The following ADARB1 variants were observed in gnomAD, a reference collection of about 807,000 sequenced individuals.
The protein encoded by ADARB1 is double-stranded RNA-specific editase 1.
Under a neutral mutation model 52.4 loss-of-function variants are expected in ADARB1, and 10 were observed. The observed-to-expected ratio is 0.19, with a 90% confidence interval of 0.12 to 0.32. The LOEUF (loss-of-function observed/expected upper bound fraction) is 0.32, where lower values mean the gene tolerates loss of function less well. ADARB1 is among the 10% of genes least tolerant of loss of function. ADARB1 has a pLI of 1.00. For synonymous variants in ADARB1, 349 were observed against 371.1 expected, an observed-to-expected ratio of 0.94 and a Z score of 0.68; for missense variants, 643 against 922.3, an observed-to-expected ratio of 0.70 and a Z score of 3.92.
rs752461733 is a variant in ADARB1, at chr21:45,221,703, G to T, written c.1927-315G>T. Among the ~76,000 whole-genome samples the T allele has an allele frequency of 6.6e-6, 1 of 152,168 alleles. No homozygotes were observed. The highest frequency in any genetic ancestry group is 1.5e-5 in the Non-Finnish European group (1 of 68,034). The stretch of plus-strand genomic sequence containing the variant: ...CAGGGTGATGACACACATAACATCC[G>T]TGGTGCTTCTTAGAGTTAAAAATGA... On this transcript the variant is annotated intron_variant, in intron 10 of 10. Transcript: ENST00000348831. This position sits in a 1 kb window ranked among gnomAD's most constrained non-coding sequence, Gnocchi z 4.9.
At chr21:45,084,706 T>A (rs2123648181) in intron 1 of ADARB1, among the ~76,000 whole-genome samples, 1 of 152,278 alleles carries the variant, frequency 6.6e-6, no homozygotes, top group East Asian at 1.9e-4. Context: ...GAAGTGGAGG[T>A]CTTTAACATA....
chr21:45,103,131 A>G (rs1407770577), intron 1 of ADARB1, among the ~76,000 whole-genome samples: 1 of 152,220 alleles, frequency 6.6e-6, no homozygotes, highest in Non-Finnish European at 1.5e-5. Flanking sequence ...CTCACAGCCA[A>G]GAGGGGCCTA....
At position 45,175,853 on chromosome 21, in the gene ADARB1, G is replaced by A; in HGVS notation, c.152G>A (p.Arg51Lys). ...AATGGGGGTGGTGGTGGCCCCGGCA[G>A]AAAGCGGCCCCTGGAGGAGGGCAGC... is the stretch of plus-strand genomic sequence containing the variant. ...LSNGGGGGPGRKRPLEEGSNG... is the reference protein window; with the variant it reads ...LSNGGGGGPGKKRPLEEGSNG... Residue 51 changes from arginine (R) to lysine (K), a missense_variant, in exon 4 of 11, where the codon AGA becomes AAA. By Grantham distance (26) the Arg-to-Lys change is conservative (BLOSUM62 2). Around this residue, in one of 2 missense-constraint regions of ADARB1, gnomAD observed 380 missense variants for 446.5 expected, o/e 0.85. Coordinates refer to ENST00000348831, the MANE Select transcript of ADARB1 (RefSeq NM_001112.4). The A allele has an allele frequency of 6.2e-7, 1 of 1,613,950 alleles. No individual in the cohort carries two copies. The highest frequency in any genetic ancestry group is 8.5e-7 in the Non-Finnish European group (1 of 1,179,950).
chr21:45,140,302 A>G (rs150738318), intron 2 of ADARB1, among the ~76,000 whole-genome samples: 5 of 152,256 alleles, frequency 3.3e-5, no homozygotes, highest in African/African-American at 1.2e-4. Context: ...TTCTTACCCC[A>G]AAAAGTTTCC....
rs894910628 is a variant in ADARB1, at chr21:45,092,865, A to T, written c.-220+18072A>T. Among the ~76,000 whole-genome samples, 9 of 151,752 alleles carry T rather than the reference A, an allele frequency of 5.9e-5. No individual in the cohort carries two copies. In the South Asian group the frequency reaches 1.9e-3, roughly 32 times the overall value. On this transcript the variant is annotated intron_variant, in intron 1 of 10. Transcript: ENST00000348831. ...AAGCCTCCCATTCCTGTAAAATAGG[A>T]GTAATTCATTATCACACATTTTTGT...
intron 2 of ADARB1, among the ~76,000 whole-genome samples, chr21:45,164,022 T>C (rs888992097): frequency 3.3e-5 from 5 of 152,222 alleles, no homozygotes; most frequent in Non-Finnish European, 7.3e-5. Context: ...TGCCATCCAG[T>C]TGACACCTTT....
At chr21:45,148,055 C>T (rs1431718731) in intron 2 of ADARB1, among the ~76,000 whole-genome samples, 2 of 152,196 alleles carry the variant, frequency 1.3e-5, no homozygotes, top group Non-Finnish European at 2.9e-5. Flanking sequence ...CAGAAACAGG[C>T]GTTCTCCCCT....
chr21:45,211,324 T>G, intron 9 of ADARB1, among the ~76,000 whole-genome samples: 1 of 152,234 alleles, frequency 6.6e-6, no homozygotes, highest in East Asian at 1.9e-4. Flanking sequence ...CCTCCTGTGT[T>G]GCATGGCCTG....
chr21:45,195,819 T>G (rs1260421717), intron 8 of ADARB1, among the ~76,000 whole-genome samples: 1 of 152,224 alleles, frequency 6.6e-6, no homozygotes, highest in Non-Finnish European at 1.5e-5. Flanking sequence ...TCTAGTATAG[T>G]AAGTCTTTAA....
intron 1 of ADARB1, among the ~76,000 whole-genome samples, chr21:45,094,889 C>T (rs554154659): frequency 2.6e-5 from 4 of 152,258 alleles, no homozygotes; most frequent in Admixed American, 6.5e-5. Flanking sequence ...GGGGCCTGGA[C>T]GCTCACTGAG....
intron 1 of ADARB1, among the ~76,000 whole-genome samples, chr21:45,081,599 C>T (rs568777097): frequency 5.9e-5 from 9 of 152,220 alleles, no homozygotes; most frequent in Non-Finnish European, 8.8e-5. Context: ...TTCATAGGAT[C>T]GGAACTCCAC....
chr21:45,107,300 T>C (rs2087301523), intron 1 of ADARB1, among the ~76,000 whole-genome samples: 1 of 152,210 alleles, frequency 6.6e-6, no homozygotes, highest in African/African-American at 2.4e-5. Context: ...CAGGTAATTT[T>C]CAAATTTAAT....
chr21:45,093,668 A>AG (rs1473925186), intron 1 of ADARB1, among the ~76,000 whole-genome samples: 1 of 152,134 alleles, frequency 6.6e-6, no homozygotes, highest in Non-Finnish European at 1.5e-5. Flanking sequence ...TCTTTTCTCC[A>AG]GGGGGCTCCT....
chr21:45,110,483 CTTTG>C (rs1183944946), intron 1 of ADARB1, among the ~76,000 whole-genome samples: 2 of 152,132 alleles, frequency 1.3e-5, no homozygotes, highest in Non-Finnish European at 2.9e-5. Context: ...TTTGTTTGCC[CTTTG>C]TTTTTCACTT....
At chr21:45,177,100 G>A (rs2091728524) in intron 4 of ADARB1, 3 of 158,968 alleles carry the variant, frequency 1.9e-5, no homozygotes, top group Admixed American at 1.8e-4. Context: ...CAAGATAAGT[G>A]ACACCAGCCC....
At chr21:45,139,275 G>A (rs2089573134) in intron 2 of ADARB1, among the ~76,000 whole-genome samples, 1 of 152,108 alleles carries the variant, frequency 6.6e-6, no homozygotes. Context: ...TGTAACCTTG[G>A]TTCAATCAAA....
At chr21:45,107,746 A>C (rs912913923) in intron 1 of ADARB1, among the ~76,000 whole-genome samples, 1 of 152,248 alleles carries the variant, frequency 6.6e-6, no homozygotes, top group Non-Finnish European at 1.5e-5. Context: ...AATGTTAGAC[A>C]CAAACATGGT....
intron 1 of ADARB1, among the ~76,000 whole-genome samples, chr21:45,124,192 C>T (rs2088406832): frequency 6.6e-6 from 1 of 152,174 alleles, no homozygotes; most frequent in African/African-American, 2.4e-5. Context: ...ACGATGTTTA[C>T]ACTGTATTTG....
intron 8 of ADARB1, among the ~76,000 whole-genome samples, chr21:45,190,598 C>T (rs949116545): frequency 4.6e-5 from 7 of 151,540 alleles, no homozygotes; most frequent in Non-Finnish European, 8.8e-5. Flanking sequence ...TGGCTGTGTA[C>T]AGAGAAAGTT....
Sources: gnomAD v4.1 joint callset for allele counts (sites outside exome capture counted in the v4.1 genomes callset) on GRCh38, gnomAD v4.1.1 for gene constraint, gnomAD v4.1.1 regional missense constraint, Gnocchi (gnomAD v3.1) non-coding constraint, MANE v1.5 for transcripts, NCBI Gene and HGNC (gene_info 2026-07-23, HGNC 2026-07-21) for gene names.